Variants in CORO7 observed in about 807,000 individuals in gnomAD.
CORO7 encodes the protein coronin 7.
A neutral mutation model predicts 126.6 loss-of-function variants in CORO7; 107 were observed. The observed-to-expected ratio is 0.85, with a 90% CI of 0.72 to 0.99. The LOEUF (loss-of-function observed/expected upper bound fraction) is 0.99, where lower values mean the gene tolerates loss of function less well. Ranked by LOEUF, CORO7 falls within the 50% of genes least tolerant of loss-of-function variation. The pLI is 0.00. For missense variants in CORO7, 1,314 were observed against 1,255.8 expected (o/e 1.05, Z -0.70); for synonymous variants, 603 against 536.8 (o/e 1.12, Z -1.70).
chr16:4,360,383 G>A lies in CORO7; in HGVS notation c.2023-20C>T, dbSNP rs2054125730. 2.5e-6 allele frequency: 4 copies of A among 1,613,430 alleles called. No individual in the cohort carries two copies. Among genetic ancestry groups the A allele is most frequent in the Non-Finnish European group, 3.4e-6 (4 of 1,179,980 alleles). ...GCCTTCCTGTTGAGATACATCGCGTGACACCCAGCCAGCACCCCTGAACCA... is the reference window on the plus strand; with the variant it reads ...GCCTTCCTGTTGAGATACATCGCGTAACACCCAGCCAGCACCCCTGAACCA... On this transcript the variant is annotated intron_variant, in intron 20 of 27. Coordinates refer to ENST00000251166, the MANE Select transcript of CORO7 (RefSeq NM_024535.5).
chr16:4,364,972 T>G (rs555107296), intron 11 of CORO7, 31 bp downstream of exon 11: 404 of 1,597,414 alleles, frequency 2.5e-4, no homozygotes, highest in Non-Finnish European at 2.9e-4. Flanking sequence ...GAGGGGAGGG[T>G]AGGGGATGGG....
At chr16:4,394,434 G>A (rs1378879099) in intron 7 of CORO7, among the ~76,000 whole-genome samples, 5 of 149,572 alleles carry the variant, frequency 3.3e-5, no homozygotes, top group Admixed American at 2.0e-4. Context: ...GGGCGACAGA[G>A]CGAGACTCCG....
chr16:4,386,698 T>G (rs1460491372), intron 9 of CORO7, among the ~76,000 whole-genome samples: 2 of 152,150 alleles, frequency 1.3e-5, no homozygotes, highest in Non-Finnish European at 2.9e-5. Flanking sequence ...TCAGGGAAGG[T>G]GCCGAATCTT....
chr16:4,370,277 A>C (rs963177202), intron 9 of CORO7, among the ~76,000 whole-genome samples: 15 of 152,150 alleles, frequency 9.9e-5, no homozygotes, highest in Non-Finnish European at 2.1e-4. Context: ...GGAAACTCAG[A>C]TGGTTCTGGG....
chr16:4,372,338 G>T (rs2054565462), intron 9 of CORO7, among the ~76,000 whole-genome samples: 1 of 152,246 alleles, frequency 6.6e-6, no homozygotes, highest in Non-Finnish European at 1.5e-5. Context: ...CCCCTTTGAG[G>T]GGGATAGCCA....
intron 26 of CORO7, 135 bp from the exon 27 acceptor site, chr16:4,355,507 C>A (rs1028286252): frequency 4.7e-5 from 46 of 986,574 alleles, no homozygotes; most frequent in Non-Finnish European, 5.9e-5. Flanking sequence ...CTCTGTCGCC[C>A]AGGCTGGATG....
At chr16:4,380,915 T>C in intron 9 of CORO7, 1 of 1,566,734 alleles carries the variant, frequency 6.4e-7, no homozygotes. Context: ...CCGCTGCTCC[T>C]GCTACTGGCC....
intron 16 of CORO7, chr16:4,361,717 G>T: frequency 1.3e-6 from 1 of 788,064 alleles, no homozygotes; most frequent in Non-Finnish European, 2.1e-6. Context: ...GGCTCAGGTG[G>T]CCGGGCTTCG....
intron 9 of CORO7, chr16:4,382,933 C>T: frequency 6.8e-7 from 1 of 1,462,312 alleles, no homozygotes; most frequent in Non-Finnish European, 9.0e-7. Context: ...GGGCCGGGCT[C>T]TCAGCCAGTG....
At chr16:4,389,848 C>G (rs1473875756) in intron 7 of CORO7, among the ~76,000 whole-genome samples, 2 of 152,214 alleles carry the variant, frequency 1.3e-5, no homozygotes, top group African/African-American at 4.8e-5. Flanking sequence ...CACCAGGTGG[C>G]TCTTAGCTTG....
intron 10 of CORO7, 127 bp downstream of exon 10, chr16:4,365,364 T>G: frequency 1.4e-6 from 2 of 1,383,206 alleles, no homozygotes; most frequent in Non-Finnish European, 2.0e-6. Context: ...CTAGGAGAGC[T>G]ACAGTCACCT....
chr16:4,382,262 G>A lies in CORO7; in HGVS notation c.785+5724C>T, dbSNP rs745632712. The A allele has an allele frequency of 1.6e-5, 26 of 1,608,288 alleles. No individual in the cohort carries two copies. Among genetic ancestry groups the A allele is most frequent in the Middle Eastern group, 1.6e-4 (1 of 6,080 alleles). ...ACACCAGTCACGCCGAGGCCACCAC[G>A]GTCCCTGACCCTGGGCATCGAGCCG... On this transcript the variant is annotated intron_variant, in intron 9 of 27. Coordinates refer to ENST00000251166, the MANE Select transcript of CORO7 (RefSeq NM_024535.5).
chr16:4,372,420 G>T (rs944968038), intron 9 of CORO7, among the ~76,000 whole-genome samples: 1 of 152,226 alleles, frequency 6.6e-6, no homozygotes, highest in Non-Finnish European at 1.5e-5. Flanking sequence ...GGGCTGCCCG[G>T]GGTCCTCTGG....
chr16:4,409,595 G>C (rs2056128182), intron 3 of CORO7, among the ~76,000 whole-genome samples: 1 of 152,236 alleles, frequency 6.6e-6, no homozygotes, highest in Non-Finnish European at 1.5e-5. Context: ...AACCCAGAGA[G>C]GGTGAGTAAC....
rs778384297 is a variant in CORO7 at position 4,388,590 on chromosome 16, T to C, written c.657A>G (p.Ala219=). ...AHENSRDSRL[A]WMGTWEHLVS... is the part of the protein sequence containing the mutation. ...CAAGGTGCTCCCAGGTGCCCATCCA[T>C]GCCAGCCGGCTATCCCTGCTGTTCT... The change falls in exon 8 of 28, where the codon GCA becomes GCG. Residue 219 remains alanine (A), a synonymous_variant. Coordinates refer to ENST00000251166, the MANE Select transcript of CORO7 (RefSeq NM_024535.5). 10 of 1,613,030 alleles carry C rather than the reference T, an allele frequency of 6.2e-6. No homozygotes were observed. In the South Asian group the frequency reaches 6.6e-5, roughly 11 times the overall value.
chr16:4,380,095 G>A (rs1015944084), intron 9 of CORO7, among the ~76,000 whole-genome samples: 19 of 150,860 alleles, frequency 1.3e-4, no homozygotes, highest in South Asian at 4.2e-4. Flanking sequence ...TGACTCTGCA[G>A]AGTTTTCCCA....
At chr16:4,379,182 G>A (rs551417121) in intron 9 of CORO7, among the ~76,000 whole-genome samples, 2 of 152,236 alleles carry the variant, frequency 1.3e-5, no homozygotes, top group East Asian at 3.9e-4. Flanking sequence ...TACCTGCACA[G>A]CCTGTGTGGG....
intron 6 of CORO7, among the ~76,000 whole-genome samples, chr16:4,402,025 A>C (rs995666619): frequency 7.0e-6 from 1 of 142,954 alleles, no homozygotes; most frequent in South Asian, 2.2e-4. Context: ...CGCAACCTCC[A>C]CCTCCCAGGT....
Position 4,368,989 on chromosome 16 carries a change from G to C in CORO7, c.786-3444C>G, listed in dbSNP as rs1188663861. ...TATGAGAGGTGGGAAACAGGCCTGG[G>C]GCCACCTCATGGCATCAGAGGCTCA... On this transcript the variant is annotated intron_variant, in intron 9 of 27. Transcript: ENST00000251166. Among the ~76,000 whole-genome samples the C allele has an allele frequency of 3.3e-5, 5 of 152,154 alleles. No homozygotes were observed. The East Asian group carries it at 9.6e-4, about 29-fold the overall frequency.
Sources: allele counts gnomAD v4.1 joint callset (sites outside exome capture counted in the v4.1 genomes callset), GRCh38; gene constraint gnomAD v4.1.1; transcripts MANE v1.5; gene names NCBI Gene and HGNC (gene_info 2026-07-23, HGNC 2026-07-21).